DDX27: variants seen among roughly 807,000 people sequenced by gnomAD.
DDX27 encodes probable ATP-dependent RNA helicase DDX27.
Under a neutral mutation model 99.3 loss-of-function variants are expected in DDX27, and 42 were observed. The ratio of observed to expected loss-of-function variants is 0.42; its 90% CI spans 0.33 to 0.55. The LOEUF (loss-of-function observed/expected upper bound fraction) is 0.55, where lower values mean the gene tolerates loss of function less well. DDX27 is among the 20% of genes least tolerant of loss of function. The pLI is 0.07. For missense variants in DDX27, 798 were observed against 976.8 expected (o/e 0.82, Z 2.44); for synonymous variants, 329 against 353.8 (o/e 0.93, Z 0.79).
At position 49,239,319 on chromosome 20, in the gene DDX27, A is replaced by G. The variant is rs1472608875; in HGVS notation, c.1878A>G (p.Glu626=). ...AGAGGAGCTGGTTCCAGACCAAAGAAGAGAGGAAGAAGGAGAAAAGTAAGT... is the reference window on the plus strand; with the variant it reads ...AGAGGAGCTGGTTCCAGACCAAAGAGGAGAGGAAGAAGGAGAAAAGTAAGT... ...EPERSWFQTK[E]ERKKEKIAKA... Residue 626 remains glutamate (E), a synonymous_variant, in exon 16 of 21, where the codon GAA becomes GAG. Transcript: ENST00000618172. 10 of 1,611,840 alleles carry G rather than the reference A, an allele frequency of 6.2e-6. No homozygotes were observed. In the African/African-American group the frequency reaches 1.2e-4, roughly 19 times the overall value.
At chr20:49,224,235 T>C (rs6125597) in intron 4 of DDX27, among the ~76,000 whole-genome samples, 67,661 of 151,918 alleles carry the variant, frequency 0.45, 16,487 homozygotes, top group Middle Eastern at 0.59. Context: ...TTGTACTTCA[T>C]AGGTAGTTTA....
chr20:49,231,885 C>CT (rs11086280), intron 9 of DDX27, among the ~76,000 whole-genome samples: 49 of 135,776 alleles, frequency 3.6e-4, no homozygotes, highest in South Asian at 1.6e-3. Context: ...CTTTTCGTTC[C>CT]TTTTTTTTTT....
At chr20:49,240,059 G>A (rs1178318313) in intron 16 of DDX27, among the ~76,000 whole-genome samples, 1 of 152,164 alleles carries the variant, frequency 6.6e-6, no homozygotes, top group Non-Finnish European at 1.5e-5. Flanking sequence ...AGGGCTAGGG[G>A]AAGGGGGGTT....
Position 49,242,129 on chromosome 20 carries a change from C to CT in DDX27, c.2040dup (p.Glu681Ter), listed in dbSNP as rs1415560319. ...GAAATCCTCAAGGCGCAGATGTTTG[C>CT]TGAACGGCTAGCGAAGAGGAATCGC... On this transcript the variant is annotated frameshift_variant, in exon 18 of 21. Transcript: ENST00000618172. LOFTEE classifies it high-confidence loss of function. 6.2e-7 allele frequency: 1 copy of CT among 1,614,088 alleles called. No homozygotes were observed. The highest frequency in any genetic ancestry group is 1.3e-5 in the African/African-American group (1 of 74,940).
chr20:49,236,667 C>T lies in DDX27; in HGVS notation c.1687+157C>T, dbSNP rs1188936715. Among the ~76,000 whole-genome samples, 1 of 152,116 alleles carries T rather than the reference C, an allele frequency of 6.6e-6. No homozygotes were observed. The highest frequency in any genetic ancestry group is 1.5e-5 in the Non-Finnish European group (1 of 68,026). ...GTGACCATGTGCAGGTTTCACCTCACCTCTCTGAGCTTGCCTCCTGTGTGT... is the reference window on the plus strand; with the variant it reads ...GTGACCATGTGCAGGTTTCACCTCATCTCTCTGAGCTTGCCTCCTGTGTGT... On this transcript the variant is annotated intron_variant, in intron 14 of 20. Transcript: ENST00000618172. The surrounding 1 kb of genome is among the most constrained non-coding windows in gnomAD (Gnocchi z 4.1).
At chr20:49,243,451 C>T (rs1304795461) in intron 19 of DDX27, among the ~76,000 whole-genome samples, 178 bp from the exon 20 acceptor site, 1 of 152,082 alleles carries the variant, frequency 6.6e-6, no homozygotes, top group Non-Finnish European at 1.5e-5. Context: ...AAAATTGGGC[C>T]CTGACTTCCA....
intron 1 of DDX27, among the ~76,000 whole-genome samples, chr20:49,220,051 T>C (rs1185457889): frequency 6.6e-6 from 1 of 152,070 alleles, no homozygotes; most frequent in Non-Finnish European, 1.5e-5. Context: ...TAAAGAGGTA[T>C]TGGTGTTCTG....
intron 14 of DDX27, among the ~76,000 whole-genome samples, chr20:49,237,509 A>G (rs1321591817): frequency 6.6e-6 from 1 of 151,910 alleles, no homozygotes; most frequent in Non-Finnish European, 1.5e-5. Flanking sequence ...TTAATCAGCG[A>G]CTAGTTATTG....
At chr20:49,219,647 G>A (rs530885446) in intron 1 of DDX27, 106 bp downstream of exon 1, 1 of 1,256,852 alleles carries the variant, frequency 8.0e-7, no homozygotes, top group Non-Finnish European at 1.1e-6. Flanking sequence ...AGCCCCGGAA[G>A]TTTCCCGAAA....
At position 49,236,510 on chromosome 20, in the gene DDX27, G is replaced by A. The variant is rs774628797; in HGVS notation, c.1687G>A (p.Asp563Asn). 4.4e-6 allele frequency: 7 copies of A among 1,579,452 alleles called. No homozygotes were observed. The Admixed American group carries it at 1.3e-4, about 29-fold the overall frequency. ...TGTGAAGGCCAGGATACTTCCCCAA[G>A]GTGAGCAGGCACCCCTGTGGCAGTG... is the stretch of plus-strand genomic sequence containing the variant. ...APVKARILPQ[D>N]VILKFRDKIE... is the part of the protein sequence containing the mutation. Residue 563 changes from aspartate to asparagine, a missense_variant and splice_region_variant, in exon 14 of 21, where the codon GAT becomes AAT. Asp to Asn is a conservative substitution (Grantham distance 23). Transcript: ENST00000618172. This position sits in a 1 kb window ranked among gnomAD's most constrained non-coding sequence, Gnocchi z 4.1.
Position 49,239,344 on chromosome 20 carries a change from T to A in DDX27, c.1897+6T>A, listed in dbSNP as rs1303023712. On this transcript the variant is annotated splice_donor_region_variant and intron_variant, in intron 16 of 20. Transcript: ENST00000618172. The stretch of plus-strand genomic sequence containing the variant: ...AGAGAGGAAGAAGGAGAAAAGTAAG[T>A]CAGGGAGGTTCCGCAGAAATCTAAA... 2 of 1,600,308 alleles carry A rather than the reference T, an allele frequency of 1.2e-6. No individual in the cohort carries two copies. Among genetic ancestry groups the A allele is most frequent in the African/African-American group, 2.7e-5 (2 of 74,330 alleles).
In DDX27 at chr20:49,236,869, G is replaced by A. The variant is rs1233188569; in HGVS notation, c.1687+359G>A. ...GTCCTTTCATTGATTTTGTTCCTCT[G>A]ATCTGTGGGGGTCTTATAAAGCACA... On this transcript the variant is annotated intron_variant, in intron 14 of 20. Coordinates refer to ENST00000618172, the MANE Select transcript of DDX27 (RefSeq NM_017895.8). The surrounding 1 kb of genome is among the most constrained non-coding windows in gnomAD (Gnocchi z 4.1). Among the ~76,000 whole-genome samples the A allele has an allele frequency of 1.3e-5, 2 of 152,072 alleles. No individual in the cohort carries two copies. The highest frequency in any genetic ancestry group is 2.9e-5 in the Non-Finnish European group (2 of 68,014).
intron 19 of DDX27, among the ~76,000 whole-genome samples, chr20:49,242,978 C>A (rs1201113725): frequency 6.6e-6 from 1 of 152,174 alleles, no homozygotes; most frequent in Non-Finnish European, 1.5e-5. Context: ...CCTCAGCCTC[C>A]CAAAGTGCTG....
rs757687267 is a variant in DDX27 at position 49,236,335 on chromosome 20, A to G, written c.1512A>G (p.Val504=). The change falls in exon 14 of 21, where the codon GTA becomes GTG. Residue 504 remains valine, a splice_region_variant and synonymous_variant. Transcript: ENST00000618172. This position sits in a 1 kb window ranked among gnomAD's most constrained non-coding sequence, Gnocchi z 4.1. Reference sequence around the variant, plus strand: ...GACGTTCATTTTTGACCTTCTAGGTAATCAACTTCACAATGCCTAATACCA... The same window carrying G: ...GACGTTCATTTTTGACCTTCTAGGTGATCAACTTCACAATGCCTAATACCA... The part of the protein sequence containing the change: ...RGLDIEGVKT[V]INFTMPNTIK... The G allele has an allele frequency of 7.6e-6, 12 of 1,578,610 alleles. No homozygotes were observed. The highest frequency in any genetic ancestry group is 8.6e-6 in the Non-Finnish European group (10 of 1,159,048).
chr20:49,234,656 C>T (rs1980245685), intron 11 of DDX27: 1 of 303,266 alleles, frequency 3.3e-6, no homozygotes, highest in Non-Finnish European at 6.1e-6. Context: ...TGGATCTTCC[C>T]ATGGATCATC....
Position 49,236,791 on chromosome 20 carries a change from T to C in DDX27, c.1687+281T>C, listed in dbSNP as rs1980323978. 6.6e-6 allele frequency among the ~76,000 whole-genome samples: 1 copy of C among 152,188 alleles called. No homozygotes were observed. Among genetic ancestry groups the C allele is most frequent in the African/African-American group, 2.4e-5 (1 of 41,450 alleles). ...GGCAAAATTCTCACTAAACTCCTCT[T>C]TCCCTTACTGTTGGTGGTGGGGAAG... On this transcript the variant is annotated intron_variant, in intron 14 of 20. Transcript: ENST00000618172. The surrounding 1 kb of genome is among the most constrained non-coding windows in gnomAD (Gnocchi z 4.1).
chr20:49,229,920 G>T (rs1821557067), intron 8 of DDX27, among the ~76,000 whole-genome samples: 1 of 152,098 alleles, frequency 6.6e-6, no homozygotes, highest in African/African-American at 2.4e-5. Context: ...TGCTGGGATT[G>T]ATTACAGGCA....
intron 8 of DDX27, among the ~76,000 whole-genome samples, chr20:49,229,382 A>G (rs1014048391): frequency 3.9e-5 from 6 of 152,166 alleles, no homozygotes; most frequent in East Asian, 1.9e-4. Context: ...GACTTAACCA[A>G]CCTTCACAAA....
At chr20:49,239,426 C>A in intron 16 of DDX27, 88 bp downstream of exon 16, 2 of 946,962 alleles carry the variant, frequency 2.1e-6, no homozygotes, top group Non-Finnish European at 3.1e-6. Context: ...TACTGTAAAG[C>A]AGCGGTCCCC....
Sources: allele counts gnomAD v4.1 joint callset (sites outside exome capture counted in the v4.1 genomes callset), GRCh38; gene constraint gnomAD v4.1.1; non-coding constraint Gnocchi (gnomAD v3.1); transcripts MANE v1.5; gene names NCBI Gene and HGNC (gene_info 2026-07-23, HGNC 2026-07-21).